The following FMNL2 variants were observed in gnomAD, a reference collection of about 807,000 sequenced individuals.
The protein encoded by FMNL2 is formin-like protein 2.
In FMNL2, 51 loss-of-function variants were observed where a neutral mutation model predicts 130.2. The observed-to-expected ratio is 0.39, with a 90% CI of 0.31 to 0.49. The LOEUF (loss-of-function observed/expected upper bound fraction) is 0.49, where lower values mean the gene tolerates loss of function less well. Ranked by LOEUF, FMNL2 falls within the 20% of genes least tolerant of loss-of-function variation. FMNL2 has a pLI of 0.85. For missense variants in FMNL2, 977 were observed against 1,316.2 expected (o/e 0.74, Z 3.99); for synonymous variants, 465 against 467.1 (o/e 1.00, Z 0.06).
intron 4 of FMNL2, among the ~76,000 whole-genome samples, chr2:152,552,689 T>C (rs572543321): frequency 6.6e-6 from 1 of 152,306 alleles, no homozygotes; most frequent in East Asian, 1.9e-4. Context: ...TAGAGAAGAA[T>C]TGGATTATGA....
chr2:152,562,254 T>C (rs1695574216), intron 6 of FMNL2, among the ~76,000 whole-genome samples: 1 of 152,220 alleles, frequency 6.6e-6, no homozygotes, highest in South Asian at 2.1e-4. Flanking sequence ...TTTTCTACAC[T>C]ACCCCCTTAC....
At chr2:152,371,078 A>C (rs1330408325) in intron 1 of FMNL2, among the ~76,000 whole-genome samples, 2 of 152,248 alleles carry the variant, frequency 1.3e-5, no homozygotes, top group Admixed American at 1.3e-4. Flanking sequence ...TACAGACTGC[A>C]TGTTAACACA....
intron 1 of FMNL2, among the ~76,000 whole-genome samples, chr2:152,480,425 T>A (rs1228859824): frequency 1.3e-5 from 2 of 150,510 alleles, no homozygotes; most frequent in Non-Finnish European, 1.5e-5. Context: ...GCGGTCGGAG[T>A]CCAGAACCAG....
intron 1 of FMNL2, among the ~76,000 whole-genome samples, chr2:152,444,182 G>T (rs1688217597): frequency 6.6e-6 from 1 of 152,276 alleles, no homozygotes; most frequent in South Asian, 2.1e-4. Context: ...GTAGCTGGGG[G>T]ATTTTCACGA....
At chr2:152,585,226 G>A (rs570626255) in intron 9 of FMNL2, among the ~76,000 whole-genome samples, 144 of 152,136 alleles carry the variant, frequency 9.5e-4, no homozygotes, top group African/African-American at 3.3e-3. Flanking sequence ...ATCTCTTAAC[G>A]AAAATTTATG....
chr2:152,355,675 T>G (rs1038008570), intron 1 of FMNL2, among the ~76,000 whole-genome samples: 1 of 152,202 alleles, frequency 6.6e-6, no homozygotes, highest in Non-Finnish European at 1.5e-5. Flanking sequence ...CTTCTTTCCT[T>G]CTGTGCAAAC....
rs139026059 is a variant in FMNL2 at position 152,352,430 on chromosome 2, C to T, written c.117+16710C>T. Among the ~76,000 whole-genome samples the T allele has an allele frequency of 1.8e-4, 27 of 152,266 alleles. No homozygotes were observed. The East Asian group carries it at 4.2e-3, about 24-fold the overall frequency. ...TAATAAAGCTGAAAATCAAATTTCT[C>T]GACTCAAAAGCCGTGCTCCTAACAT... is the stretch of plus-strand genomic sequence containing the variant. On this transcript the variant is annotated intron_variant, in intron 1 of 25. Transcript: ENST00000288670.
At position 152,542,741 on chromosome 2, in the gene FMNL2, A is replaced by G; in HGVS notation, c.204A>G (p.Glu68=). The change falls in exon 3 of 26, where the codon GAA becomes GAG. Residue 68 remains glutamate (E), a splice_region_variant and synonymous_variant. Coordinates refer to ENST00000288670, the MANE Select transcript of FMNL2 (RefSeq NM_052905.4). ...TTGGACTTTTGTGCTTTCTGCAGGA[A>G]CGATTCCAGGTGAAGAATCCTCCCC... The part of the protein sequence containing the change: ...EKKWELICDQ[E]RFQVKNPPHT... 6.2e-7 allele frequency: 1 copy of G among 1,614,030 alleles called. No homozygotes were observed. The highest frequency in any genetic ancestry group is 8.5e-7 in the Non-Finnish European group (1 of 1,179,902).
chr2:152,340,299 A>G (rs1027666828), intron 1 of FMNL2, among the ~76,000 whole-genome samples: 1 of 152,220 alleles, frequency 6.6e-6, no homozygotes, highest in Non-Finnish European at 1.5e-5. Context: ...TTTCTTTTAT[A>G]TTATGCTTCC....
At chr2:152,493,317 A>G (rs1196565265) in intron 1 of FMNL2, among the ~76,000 whole-genome samples, 1 of 152,216 alleles carries the variant, frequency 6.6e-6, no homozygotes, top group Non-Finnish European at 1.5e-5. Flanking sequence ...TTTCCTGTTA[A>G]CAAAATGAAC....
chr2:152,531,974 T>G (rs1579896669), intron 2 of FMNL2, among the ~76,000 whole-genome samples: 5 of 152,270 alleles, frequency 3.3e-5, no homozygotes, highest in Admixed American at 3.3e-4. Context: ...GAAATGACAG[T>G]GAAGTCGTAT....
chr2:152,363,564 T>C lies in FMNL2; in HGVS notation c.117+27844T>C, dbSNP rs1683310631. On this transcript the variant is annotated intron_variant, in intron 1 of 25. Coordinates refer to ENST00000288670, the MANE Select transcript of FMNL2 (RefSeq NM_052905.4). ...GGCTCAGTGAGTTTTTTTCTTTTCT[T>C]TTTTTTTTCCCCCCCAAGACAGAGT... Among the ~76,000 whole-genome samples, 3 of 101,932 alleles carry C rather than the reference T, an allele frequency of 2.9e-5. No individual in the cohort carries two copies. In the Middle Eastern group the frequency reaches 0.023, roughly 796 times the overall value. 66.9% of individuals were successfully genotyped at this position (101,932 alleles called of 152,430 possible).
chr2:152,400,016 G>A (rs566695216), intron 1 of FMNL2, among the ~76,000 whole-genome samples: 1 of 152,170 alleles, frequency 6.6e-6, no homozygotes, highest in Non-Finnish European at 1.5e-5. Context: ...CGGCTTAGAA[G>A]CCCTGATGAT....
At chr2:152,383,294 T>TTTTTTTTTTTTTG (rs1684588921) in intron 1 of FMNL2, among the ~76,000 whole-genome samples, 1 of 148,332 alleles carries the variant, frequency 6.7e-6, no homozygotes. Flanking sequence ...TTTTTTTTTT[T>TTTTTTTTTTTTTG]GTAGTTTAGG....
intron 1 of FMNL2, among the ~76,000 whole-genome samples, chr2:152,371,369 TCA>T (rs1491046099): frequency 7.8e-6 from 1 of 127,632 alleles, no homozygotes; most frequent in African/African-American, 3.0e-5. Flanking sequence ...CTTCCAAAAC[TCA>T]TGTCGAAATG....
intron 1 of FMNL2, among the ~76,000 whole-genome samples, chr2:152,375,877 C>CTCTCTCTCTCTCTCTCTCTA (rs796954245): frequency 1.8e-5 from 2 of 112,484 alleles, no homozygotes; most frequent in East Asian, 5.4e-4. Context: ...CTCTCTCTCT[C>CTCTCTCTCTCTCTCTCTCTA]TATATATATA....
chr2:152,366,136 G>A (rs1192287442), intron 1 of FMNL2, among the ~76,000 whole-genome samples: 1 of 152,076 alleles, frequency 6.6e-6, no homozygotes, highest in Non-Finnish European at 1.5e-5. Flanking sequence ...GATTACTGGT[G>A]CAGCCGACAG....
At chr2:152,338,577 A>G (rs1681609150) in intron 1 of FMNL2, among the ~76,000 whole-genome samples, 1 of 152,168 alleles carries the variant, frequency 6.6e-6, no homozygotes, top group Non-Finnish European at 1.5e-5. Flanking sequence ...AGACTAATGA[A>G]TTAAGACTAG....
intron 7 of FMNL2, among the ~76,000 whole-genome samples, chr2:152,576,894 A>C (rs1280622728): frequency 6.6e-6 from 1 of 152,198 alleles, no homozygotes; most frequent in South Asian, 2.1e-4. Context: ...AGAGTAGAAG[A>C]TGAAGTCAGA....
Sources: gnomAD v4.1 joint callset for allele counts (sites outside exome capture counted in the v4.1 genomes callset) on GRCh38, gnomAD v4.1.1 for gene constraint, MANE v1.5 for transcripts, NCBI Gene and HGNC (gene_info 2026-07-23, HGNC 2026-07-21) for gene names.